CHRDL1: variants seen among roughly 807,000 people sequenced by gnomAD.
CHRDL1 encodes the protein chordin-like protein 1.
Under a neutral mutation model 40.9 loss-of-function variants are expected in CHRDL1, and 19 were observed. That is an observed-to-expected ratio of 0.46 (90% CI 0.32 to 0.68). CHRDL1 has a LOEUF of 0.68. Among genes scored for constraint, CHRDL1 ranks in the 30% least tolerant of loss-of-function variants. The probability of loss-of-function intolerance (pLI) is 0.03; values close to 1 mark genes in which losing one functional copy is unlikely to be tolerated. For synonymous variants in CHRDL1, 136 were observed against 123.4 expected, an observed-to-expected ratio of 1.10 and a Z score of -0.68; for missense variants, 329 against 352.1, an observed-to-expected ratio of 0.93 and a Z score of 0.53.
chrX:110,705,709 G>T (rs1177784686), intron 6 of CHRDL1, among the ~76,000 whole-genome samples: 2 of 106,963 alleles, frequency 1.9e-5, no homozygotes, highest in African/African-American at 6.7e-5. Context: ...CAAAAACATC[G>T]GAAATCTGAA....
At chrX:110,713,638 A>G (rs949651447) in intron 6 of CHRDL1, among the ~76,000 whole-genome samples, 1 of 112,316 alleles carries the variant, frequency 8.9e-6, no homozygotes, top group African/African-American at 3.2e-5. Context: ...CCAGGTTAAA[A>G]TTCTAGCTCT....
chrX:110,687,178 G>A (rs1213602065), intron 9 of CHRDL1, among the ~76,000 whole-genome samples: 2 of 111,597 alleles, frequency 1.8e-5, no homozygotes, highest in South Asian at 3.8e-4. Context: ...GGGCCTGAGA[G>A]TCAACATTTT....
chrX:110,727,134 T>C (rs983637624), intron 4 of CHRDL1, among the ~76,000 whole-genome samples: 1 of 111,900 alleles, frequency 8.9e-6, no homozygotes, highest in Admixed American at 9.5e-5. Flanking sequence ...AAATTGCCAA[T>C]GTTAAGTGGG....
At chrX:110,726,384 A>G (rs2071058063) in intron 4 of CHRDL1, among the ~76,000 whole-genome samples, 1 of 111,839 alleles carries the variant, frequency 8.9e-6, no homozygotes, top group Non-Finnish European at 1.9e-5. Flanking sequence ...CCCTTCTACT[A>G]TATAGGCTCA....
At chrX:110,715,674 T>C (rs986869701) in intron 6 of CHRDL1, among the ~76,000 whole-genome samples, 1 of 112,274 alleles carries the variant, frequency 8.9e-6, no homozygotes, top group African/African-American at 3.2e-5. Context: ...TGCAGTGACA[T>C]GTCTTTTCAC....
At position 110,743,285 on chromosome X, in the gene CHRDL1, G is replaced by T. The variant is rs967685723; in HGVS notation, c.301+16376C>A. On this transcript the variant is annotated intron_variant, in intron 4 of 11. Transcript: ENST00000372042. ...GGCTTGTGCTCATGATGGCTGTTCA[G>T]CCTGACCAATGCTGACTTTGGGTGG... Among the ~76,000 whole-genome samples the T allele has an allele frequency of 3.6e-5, 4 of 112,505 alleles. No homozygotes were observed. In the Admixed American group the frequency reaches 3.7e-4, roughly 11 times the overall value.
intron 4 of CHRDL1, among the ~76,000 whole-genome samples, chrX:110,743,666 T>C (rs974792709): frequency 9.0e-6 from 1 of 111,649 alleles, no homozygotes; most frequent in Non-Finnish European, 1.9e-5. Context: ...ATTAATAACA[T>C]GAAAAAATTA....
chrX:110,719,054 C>T (rs889036763), intron 6 of CHRDL1, among the ~76,000 whole-genome samples: 1 of 110,877 alleles, frequency 9.0e-6, no homozygotes, highest in Non-Finnish European at 1.9e-5. Context: ...ATATAAATAC[C>T]CCAATTCTAG....
At chrX:110,700,007 T>C (rs2070479571) in intron 7 of CHRDL1, among the ~76,000 whole-genome samples, 1 of 112,580 alleles carries the variant, frequency 8.9e-6, no homozygotes, top group Non-Finnish European at 1.9e-5. Context: ...AAGAAATTTG[T>C]AGTGTAAAGC....
chrX:110,702,090 G>A (rs2070524986), intron 6 of CHRDL1, among the ~76,000 whole-genome samples: 1 of 110,795 alleles, frequency 9.0e-6, no homozygotes, highest in Non-Finnish European at 1.9e-5. Context: ...TTGTATAATC[G>A]TGTCATTCCC....
intron 2 of CHRDL1, among the ~76,000 whole-genome samples, chrX:110,763,995 T>C (rs1602393376): frequency 8.9e-6 from 1 of 112,282 alleles, no homozygotes; most frequent in African/African-American, 3.2e-5. Context: ...ATTTCCCTGA[T>C]CTTTAGTGAT....
chrX:110,688,680 A>G lies in CHRDL1; in HGVS notation c.902T>C (p.Ile301Thr). ...CNVTKQECKKIHCPNRYPCKY... is the reference protein window; with the variant it reads ...CNVTKQECKKTHCPNRYPCKY... ...GCAGGGGTATCGATTGGGGCAGTGG[A>G]TTTTCTTACACTCTTGCTTGGTGAC... The change falls in exon 9 of 12, where the codon ATC becomes ACC. Residue 301 changes from isoleucine to threonine, a missense_variant. Transcript: ENST00000372042. 8.3e-7 allele frequency: 1 copy of G among 1,207,826 alleles called. No homozygotes were observed. Among genetic ancestry groups the G allele is most frequent in the Non-Finnish European group, 1.1e-6 (1 of 893,030 alleles).
intron 4 of CHRDL1, 95 bp downstream of exon 4, chrX:110,759,566 A>C (rs1226446354): frequency 6.1e-6 from 4 of 652,872 alleles, no homozygotes; most frequent in Non-Finnish European, 1.0e-5. Flanking sequence ...TCTGTCTGGA[A>C]GTTTCCCTTC....
chrX:110,689,080 A>G lies in CHRDL1; in HGVS notation c.779-277T>C, dbSNP rs1351808636. On this transcript the variant is annotated intron_variant, in intron 8 of 11. Transcript: ENST00000372042. The stretch of plus-strand genomic sequence containing the variant: ...TCCATAAATATATATATGTATATAT[A>G]TATATATATATATATATATATATAT... 1.4e-3 allele frequency among the ~76,000 whole-genome samples: 33 copies of G among 23,972 alleles called. 1 individual carries two copies. Among genetic ancestry groups the G allele is most frequent in the African/African-American group, 6.5e-3 (13 of 1,986 alleles). 20.8% of individuals were successfully genotyped at this position (23,972 alleles called of 115,157 possible).
At chrX:110,711,277 A>T (rs991998125) in intron 6 of CHRDL1, among the ~76,000 whole-genome samples, 1 of 111,890 alleles carries the variant, frequency 8.9e-6, no homozygotes, top group African/African-American at 3.3e-5. Context: ...CTCAAAAATT[A>T]CTGAGTTAAT....
intron 6 of CHRDL1, among the ~76,000 whole-genome samples, chrX:110,714,205 T>G (rs1387858641): frequency 2.7e-5 from 3 of 110,809 alleles, no homozygotes; most frequent in Admixed American, 1.9e-4. Context: ...GTTACTTCCT[T>G]CTTTGTGTTC....
chrX:110,695,271 C>T (rs767183803), intron 7 of CHRDL1, among the ~76,000 whole-genome samples: 4 of 111,698 alleles, frequency 3.6e-5, no homozygotes, highest in East Asian at 5.7e-4. Context: ...GTAAGCTCTA[C>T]GAAATCAAGG....
chrX:110,676,152 G>A lies in CHRDL1; in HGVS notation c.*79C>T. The A allele has an allele frequency of 9.6e-7, 1 of 1,046,841 alleles. No individual in the cohort carries two copies. The highest frequency in any genetic ancestry group is 2.2e-5 in the South Asian group (1 of 46,015). The allele number at this position is 1,046,841 out of a possible 1,213,427, so 86.3% of individuals were successfully genotyped here. A position where few individuals can be genotyped will look rare whatever the true frequency, so the allele number is the denominator to read the frequency against. On this transcript the variant is annotated 3_prime_UTR_variant, in exon 12 of 12. Coordinates refer to ENST00000372042, the MANE Select transcript of CHRDL1 (RefSeq NM_001143981.2). ...GAGTTTGGAGTTTTAGGGCACTGTTGACTTAAGCAAAATAAGCCTGCAGTC... is the reference window on the plus strand; with the variant it reads ...GAGTTTGGAGTTTTAGGGCACTGTTAACTTAAGCAAAATAAGCCTGCAGTC...
Position 110,685,758 on chromosome X carries a change from G to C in CHRDL1, c.988+2836C>G, listed in dbSNP as rs149656390. Among the ~76,000 whole-genome samples, 99 of 89,830 alleles carry C rather than the reference G, an allele frequency of 1.1e-3. No individual in the cohort carries two copies. In the East Asian group the frequency reaches 0.014, roughly 13 times the overall value. The allele number at this position is 89,830 out of a possible 115,157, so 78.0% of individuals were successfully genotyped here. A position where few individuals can be genotyped will look rare whatever the true frequency, so the allele number is the denominator to read the frequency against. On this transcript the variant is annotated intron_variant, in intron 9 of 11. Coordinates refer to ENST00000372042, the MANE Select transcript of CHRDL1 (RefSeq NM_001143981.2). The stretch of plus-strand genomic sequence containing the variant: ...TTTGTTTAATCATTCCCATATTCGT[G>C]AACTTTCAGATTATTTCCAATTTTT...
Sources: allele counts gnomAD v4.1 joint callset (sites outside exome capture counted in the v4.1 genomes callset), GRCh38; gene constraint gnomAD v4.1.1; transcripts MANE v1.5; gene names NCBI Gene and HGNC (gene_info 2026-07-23, HGNC 2026-07-21).